KLHL36: variants seen among roughly 807,000 people sequenced by gnomAD.
KLHL36 encodes the protein kelch-like protein 36.
Under a neutral mutation model 53.3 loss-of-function variants are expected in KLHL36, and 35 were observed. The observed-to-expected ratio is 0.66, with a 90% CI of 0.50 to 0.87. The LOEUF is 0.87. Ranked by LOEUF, KLHL36 falls within the 40% of genes least tolerant of loss-of-function variation. The pLI is 0.00. For synonymous variants in KLHL36, 472 were observed against 398.9 expected, an observed-to-expected ratio of 1.18 and a Z score of -2.18; for missense variants, 864 against 897.6, an observed-to-expected ratio of 0.96 and a Z score of 0.48.
rs1235915488 is a variant in KLHL36 at position 84,648,708 on chromosome 16, C to T, written c.-17+59C>T. The T allele has an allele frequency of 3.4e-5, 5 of 145,262 alleles. No individual in the cohort carries two copies. The highest frequency in any genetic ancestry group is 9.8e-5 in the African/African-American group (4 of 40,732). The allele number at this position is 145,262 out of a possible 1,614,324, so 9.0% of individuals were successfully genotyped here. A position where few individuals can be genotyped will look rare whatever the true frequency, so the allele number is the denominator to read the frequency against. ...GGACCGCCAGGAAGCCGCGCCCGGC[C>T]GGGGCGGGGAGCTGGCGGAGATCGG... On this transcript the variant is annotated intron_variant, in intron 1 of 4. Coordinates refer to ENST00000564996, the MANE Select transcript of KLHL36 (RefSeq NM_024731.4). This position sits in a 1 kb window ranked among gnomAD's most constrained non-coding sequence, Gnocchi z 4.9.
In KLHL36 at chr16:84,661,300, T is replaced by C. The variant is rs1054731529; in HGVS notation, c.1296-278T>C. Among the ~76,000 whole-genome samples, 2 of 152,198 alleles carry C rather than the reference T, an allele frequency of 1.3e-5. No individual in the cohort carries two copies. Among genetic ancestry groups the C allele is most frequent in the African/African-American group, 4.8e-5 (2 of 41,458 alleles). On this transcript the variant is annotated intron_variant, in intron 4 of 4. Transcript: ENST00000564996. This position sits in a 1 kb window ranked among gnomAD's most constrained non-coding sequence, Gnocchi z 7.9. ...TGTGAAAAGGGTGATGGTCCTGTGA[T>C]TATTCCCATTTCCCAGATGGGGCAA...
At chr16:84,653,835 G>T (rs1907044666) in intron 2 of KLHL36, among the ~76,000 whole-genome samples, 2 of 95,672 alleles carry the variant, frequency 2.1e-5, no homozygotes, top group African/African-American at 4.6e-5. Flanking sequence ...GGGAGGCTCT[G>T]TATCCAAAAA....
intron 2 of KLHL36, among the ~76,000 whole-genome samples, chr16:84,654,725 G>A (rs375845795): frequency 4.6e-5 from 7 of 152,088 alleles, no homozygotes; most frequent in Admixed American, 2.0e-4. Context: ...ATTCTCCTGC[G>A]TCAGCCTCCT....
At chr16:84,650,559 CAT>C (rs1385321562) in intron 1 of KLHL36, among the ~76,000 whole-genome samples, 1 of 152,100 alleles carries the variant, frequency 6.6e-6, no homozygotes, top group African/African-American at 2.4e-5. Context: ...GATAACTTAT[CAT>C]TATAACCTTG....
Position 84,661,993 on chromosome 16 carries a change from G to C in KLHL36, c.1711G>C (p.Glu571Gln). 6.3e-7 allele frequency: 1 copy of C among 1,594,860 alleles called. No individual in the cohort carries two copies. The highest frequency in any genetic ancestry group is 1.1e-5 in the South Asian group (1 of 88,164). ...FSKTVQVYDR[E>Q]ADKWSRGVDL... is the part of the protein sequence containing the mutation. ...CAAGACCGTGCAGGTGTACGACCGC[G>C]AGGCCGACAAGTGGAGCAGGGGCGT... The change falls in exon 5 of 5, where the codon GAG (glutamate) becomes CAG (glutamine). Residue 571 changes from glutamate to glutamine, a missense_variant. Transcript: ENST00000564996. This position sits in a 1 kb window ranked among gnomAD's most constrained non-coding sequence, Gnocchi z 7.9.
rs186047148 is a variant in KLHL36 at position 84,652,459 on chromosome 16, C to T, written c.63+1529C>T. ...CTAATTTTTGTATTTTTAGTAGAGA[C>T]GGGGTTTCACCATGTTGGCCAGGAT... On this transcript the variant is annotated intron_variant, in intron 2 of 4. Coordinates refer to ENST00000564996, the MANE Select transcript of KLHL36 (RefSeq NM_024731.4). 1.6e-3 allele frequency among the ~76,000 whole-genome samples: 247 copies of T among 152,100 alleles called. 1 individual carries two copies. The highest frequency in any genetic ancestry group is 5.7e-3 in the African/African-American group (238 of 41,490).
intron 1 of KLHL36, among the ~76,000 whole-genome samples, chr16:84,650,249 G>A (rs1411792745): frequency 6.6e-6 from 1 of 152,162 alleles, no homozygotes; most frequent in African/African-American, 2.4e-5. Context: ...CTGTGTACAT[G>A]GTAGTCATCA....
At chr16:84,653,370 T>C (rs954941095) in intron 2 of KLHL36, among the ~76,000 whole-genome samples, 2 of 152,076 alleles carry the variant, frequency 1.3e-5, no homozygotes, top group Non-Finnish European at 2.9e-5. Context: ...AAATAGGAAA[T>C]AAAGAAATGA....
intron 1 of KLHL36, among the ~76,000 whole-genome samples, chr16:84,650,647 G>A (rs1236949312): frequency 6.6e-6 from 1 of 152,058 alleles, no homozygotes; most frequent in Non-Finnish European, 1.5e-5. Context: ...TAAAGGAATG[G>A]GAGTTAAATG....
Position 84,650,874 on chromosome 16 carries a change from G to C in KLHL36, c.7G>C (p.Glu3Gln). MM[E>Q]GSRQTRVSRP... ...TAGGGCTGAAATCTCTTTAATGATGGAGGGAAGCAGGCAGACGCGAGTGTC... is the reference window on the plus strand; with the variant it reads ...TAGGGCTGAAATCTCTTTAATGATGCAGGGAAGCAGGCAGACGCGAGTGTC... Residue 3 changes from glutamate to glutamine, a missense_variant, in exon 2 of 5, where the codon GAG becomes CAG. Physicochemically the swap from Glu to Gln is conservative, Grantham distance 29. Coordinates refer to ENST00000564996, the MANE Select transcript of KLHL36 (RefSeq NM_024731.4). 1 of 1,611,792 alleles carries C rather than the reference G, an allele frequency of 6.2e-7. No individual in the cohort carries two copies. The highest frequency in any genetic ancestry group is 1.1e-5 in the South Asian group (1 of 90,664).
At chr16:84,650,341 G>A (rs898525366) in intron 1 of KLHL36, among the ~76,000 whole-genome samples, 1 of 152,126 alleles carries the variant, frequency 6.6e-6, no homozygotes, top group Non-Finnish European at 1.5e-5. Context: ...AGCGTGTCAT[G>A]GTGATGGATC....
intron 3 of KLHL36, 57 bp downstream of exon 3, chr16:84,658,001 C>T: frequency 2.3e-6 from 3 of 1,322,766 alleles, no homozygotes; most frequent in Non-Finnish European, 3.0e-6. Context: ...GTTTCCTTAA[C>T]CTAGCCTTGA....
In KLHL36 at chr16:84,648,945, C is replaced by T. The variant is rs1017541764; in HGVS notation, c.-17+296C>T. On this transcript the variant is annotated intron_variant, in intron 1 of 4. Coordinates refer to ENST00000564996, the MANE Select transcript of KLHL36 (RefSeq NM_024731.4). The surrounding 1 kb of genome is among the most constrained non-coding windows in gnomAD (Gnocchi z 4.9). ...CCGCCTCCTCGCCGCCGGCTGGAGCCTGCTGGGCGGCCGTTGCGCTGAGTT... is the reference window on the plus strand; with the variant it reads ...CCGCCTCCTCGCCGCCGGCTGGAGCTTGCTGGGCGGCCGTTGCGCTGAGTT... 2.0e-5 allele frequency: 3 copies of T among 152,298 alleles called. No individual in the cohort carries two copies. Among genetic ancestry groups the T allele is most frequent in the African/African-American group, 2.4e-5 (1 of 41,466 alleles). 9.4% of individuals were successfully genotyped at this position (152,298 alleles called of 1,614,324 possible). A position where few individuals can be genotyped will look rare whatever the true frequency, so the allele number is the denominator to read the frequency against.
In KLHL36 at chr16:84,665,292, A is replaced by G. The variant is rs764908821; in HGVS notation, c.*3159A>G. 77 of 150,926 alleles carry G rather than the reference A, an allele frequency of 5.1e-4. No individual in the cohort carries two copies. Among genetic ancestry groups the G allele is most frequent in the African/African-American group, 1.9e-3 (76 of 40,992 alleles). 9.3% of individuals were successfully genotyped at this position (150,926 alleles called of 1,614,324 possible). A position where few individuals can be genotyped will look rare whatever the true frequency, so the allele number is the denominator to read the frequency against. On this transcript the variant is annotated 3_prime_UTR_variant, in exon 5 of 5. Transcript: ENST00000564996. ...TTCAAAATAAGCATGGCAGGCTTCT[A>G]TTGAGGTTTGGACTTCTCTCATTTC... is the stretch of plus-strand genomic sequence containing the variant.
chr16:84,655,042 G>A (rs1268065007), intron 2 of KLHL36, among the ~76,000 whole-genome samples: 3 of 151,840 alleles, frequency 2.0e-5, no homozygotes, highest in Non-Finnish European at 4.4e-5. Flanking sequence ...GGCTCTCTTT[G>A]TGGGTAACCA....
chr16:84,667,301 C>T lies in KLHL36; in HGVS notation c.*5168C>T, dbSNP rs1907895390. 6.6e-6 allele frequency: 1 copy of T among 152,154 alleles called. No homozygotes were observed. The highest frequency in any genetic ancestry group is 1.5e-5 in the Non-Finnish European group (1 of 68,024). The allele number at this position is 152,154 out of a possible 1,614,324, so 9.4% of individuals were successfully genotyped here. ...TTGAGGTTAAATCATCAACCACTAG[C>T]CCCCTTTCAAAATCAGCGAGATATT... On this transcript the variant is annotated 3_prime_UTR_variant, in exon 5 of 5. Transcript: ENST00000564996.
At chr16:84,658,564 G>A (rs1907360407) in intron 3 of KLHL36, 1 of 152,264 alleles carries the variant, frequency 6.6e-6, no homozygotes, top group Non-Finnish European at 1.5e-5. Flanking sequence ...ATCCCAGCCT[G>A]GCTAAGTCAT....
chr16:84,656,694 C>A (rs963621765), intron 2 of KLHL36, among the ~76,000 whole-genome samples, 177 bp from the exon 3 acceptor site: 2 of 146,346 alleles, frequency 1.4e-5, no homozygotes, highest in African/African-American at 2.5e-5. Context: ...AAAAAAAAAA[C>A]CACGATACAC....
chr16:84,656,644 A>G (rs1272965303), intron 2 of KLHL36, among the ~76,000 whole-genome samples: 1 of 140,890 alleles, frequency 7.1e-6, no homozygotes, highest in African/African-American at 2.6e-5. Context: ...AAAAAAAAAA[A>G]GAAAGAAAGA....
Sources: gnomAD v4.1 joint callset for allele counts (sites outside exome capture counted in the v4.1 genomes callset) on GRCh38, gnomAD v4.1.1 for gene constraint, Gnocchi (gnomAD v3.1) non-coding constraint, MANE v1.5 for transcripts, NCBI Gene and HGNC (gene_info 2026-07-23, HGNC 2026-07-21) for gene names.